DCAF10: variants seen among roughly 807,000 people sequenced by gnomAD.
DCAF10 encodes the protein DDB1- and CUL4-associated factor 10.
In DCAF10, 19 loss-of-function variants were observed where a neutral mutation model predicts 51.9. The ratio of observed to expected loss-of-function variants is 0.37; its 90% CI spans 0.26 to 0.54. The LOEUF (loss-of-function observed/expected upper bound fraction) is 0.54. Ranked by LOEUF, DCAF10 falls within the 20% of genes least tolerant of loss-of-function variation. DCAF10 has a pLI of 0.87. For synonymous variants in DCAF10, 291 were observed against 297.1 expected (o/e 0.98, Z 0.21); for missense variants, 510 against 730.6 (o/e 0.70, Z 3.48).
rs1221956555 is a variant in DCAF10 at position 37,801,016 on chromosome 9, C to A, written c.150C>A (p.Pro50=). The part of the protein sequence containing the change: ...PGADATHPPP[P]ARSPRRPGAP... ...CTGATGCGACCCATCCCCCTCCACCCGCCCGAAGCCCTCGCCGCCCCGGCG... is the reference window on the plus strand; with the variant it reads ...CTGATGCGACCCATCCCCCTCCACCAGCCCGAAGCCCTCGCCGCCCCGGCG... Residue 50 remains proline, a synonymous_variant, in exon 1 of 7, where the codon CCC becomes CCA. Transcript: ENST00000377724. This position sits in a 1 kb window ranked among gnomAD's most constrained non-coding sequence, Gnocchi z 5.5. 1 of 1,539,924 alleles carries A rather than the reference C, an allele frequency of 6.5e-7. No individual in the cohort carries two copies. Among genetic ancestry groups the A allele is most frequent in the Non-Finnish European group, 8.7e-7 (1 of 1,153,546 alleles).
At chr9:37,835,405 C>T (rs779228998) in intron 2 of DCAF10, among the ~76,000 whole-genome samples, 1 of 152,024 alleles carries the variant, frequency 6.6e-6, no homozygotes, top group African/African-American at 2.4e-5. Flanking sequence ...ATGGTGAAAC[C>T]CTGTCTCTAC....
chr9:37,809,023 G>T (rs1829247620), intron 1 of DCAF10, among the ~76,000 whole-genome samples: 1 of 149,842 alleles, frequency 6.7e-6, no homozygotes, highest in Non-Finnish European at 1.5e-5. Context: ...CAGGAGGACT[G>T]CTTGAGCTTC....
At chr9:37,833,209 A>G (rs1323927970) in intron 2 of DCAF10, among the ~76,000 whole-genome samples, 2 of 152,238 alleles carry the variant, frequency 1.3e-5, no homozygotes, top group African/African-American at 4.8e-5. Flanking sequence ...ATATTCTGCT[A>G]TCATTATTTC....
At chr9:37,860,492 T>TAAAC (rs113858882) in intron 6 of DCAF10, 3,649 of 257,156 alleles carry the variant, frequency 0.014, 46 homozygotes, top group Non-Finnish European at 0.02. Flanking sequence ...CATCTCACCC[T>TAAAC]AAACAAACAA....
At chr9:37,817,210 C>T (rs758821363) in intron 1 of DCAF10, among the ~76,000 whole-genome samples, 5 of 152,152 alleles carry the variant, frequency 3.3e-5, no homozygotes, top group Non-Finnish European at 5.9e-5. Flanking sequence ...TTAAAAGATA[C>T]ATATCATACC....
Position 37,801,277 on chromosome 9 carries a change from C to A in DCAF10, c.411C>A (p.Phe137Leu). The change falls in exon 1 of 7, where the codon TTC becomes TTA. Residue 137 changes from phenylalanine to leucine, a missense_variant. Physicochemically the swap from Phe to Leu is conservative, Grantham distance 22 (BLOSUM62 0). This residue lies in a region of DCAF10 where 251 missense variants were observed against 227.9 expected (regional missense o/e 1.10). Coordinates refer to ENST00000377724, the MANE Select transcript of DCAF10 (RefSeq NM_024345.5). The surrounding 1 kb of genome is among the most constrained non-coding windows in gnomAD (Gnocchi z 5.5). The part of the protein sequence containing the change: ...LKERSLGRGL[F>L]VDPARDNFRT... ...AGCGCAGCCTGGGCCGCGGGCTGTTCGTGGACCCGGCGCGGGACAATTTTC... is the reference window on the plus strand; with the variant it reads ...AGCGCAGCCTGGGCCGCGGGCTGTTAGTGGACCCGGCGCGGGACAATTTTC... 2 of 1,595,614 alleles carry A rather than the reference C, an allele frequency of 1.3e-6. No individual in the cohort carries two copies. Among genetic ancestry groups the A allele is most frequent in the Non-Finnish European group, 1.7e-6 (2 of 1,173,730 alleles).
At position 37,867,153 on chromosome 9, in the gene DCAF10, A is replaced by C. The variant is rs1831153408; in HGVS notation, c.*5645A>C. ...AGTTACCATTACGCTGCTCTCTTGT[A>C]AATGAACTAGGGATAAAGATATGGG... On this transcript the variant is annotated 3_prime_UTR_variant, in exon 7 of 7. Coordinates refer to ENST00000377724, the MANE Select transcript of DCAF10 (RefSeq NM_024345.5). 1 of 152,188 alleles carries C rather than the reference A, an allele frequency of 6.6e-6. No individual in the cohort carries two copies. Among genetic ancestry groups the C allele is most frequent in the South Asian group, 2.1e-4 (1 of 4,836 alleles). 9.4% of individuals were successfully genotyped at this position (152,188 alleles called of 1,614,324 possible). A position where few individuals can be genotyped will look rare whatever the true frequency, so the allele number is the denominator to read the frequency against.
intron 2 of DCAF10, among the ~76,000 whole-genome samples, chr9:37,820,222 A>C (rs1048122074): frequency 6.6e-6 from 1 of 152,226 alleles, no homozygotes; most frequent in African/African-American, 2.4e-5. Flanking sequence ...ATAGAACAAT[A>C]AATTAAATAG....
intron 2 of DCAF10, among the ~76,000 whole-genome samples, chr9:37,838,861 C>CT (rs1292115195): frequency 6.7e-6 from 1 of 150,242 alleles, no homozygotes; most frequent in Non-Finnish European, 1.5e-5. Flanking sequence ...AAGCGTGACT[C>CT]TGTCTCCAAA....
intron 1 of DCAF10, among the ~76,000 whole-genome samples, chr9:37,816,856 G>C (rs1055834746): frequency 3.9e-5 from 6 of 152,118 alleles, no homozygotes; most frequent in Non-Finnish European, 8.8e-5. Context: ...AATCTGTAAA[G>C]TCAGTGCATT....
At chr9:37,858,816 G>A (rs1180802245) in intron 5 of DCAF10, among the ~76,000 whole-genome samples, 1 of 152,172 alleles carries the variant, frequency 6.6e-6, no homozygotes, top group African/African-American at 2.4e-5. Flanking sequence ...GAAATCTGCT[G>A]TGGATTCTTA....
chr9:37,802,138 T>C (rs1175882912), intron 1 of DCAF10, among the ~76,000 whole-genome samples: 1 of 152,230 alleles, frequency 6.6e-6, no homozygotes, highest in Non-Finnish European at 1.5e-5. Context: ...CCACCAAGCC[T>C]CTCGGTTGCT....
intron 4 of DCAF10, among the ~76,000 whole-genome samples, chr9:37,855,195 A>T (rs1380659484): frequency 6.6e-6 from 1 of 152,222 alleles, no homozygotes; most frequent in African/African-American, 2.4e-5. Context: ...TCTGAATCAC[A>T]AATGGACTAG....
intron 1 of DCAF10, among the ~76,000 whole-genome samples, chr9:37,807,316 CA>C: frequency 6.6e-6 from 1 of 152,064 alleles, no homozygotes; most frequent in Middle Eastern, 3.4e-3. Flanking sequence ...CTTGTCTCTA[CA>C]AAAAATTTTA....
At chr9:37,852,269 C>A (rs1388913778) in intron 3 of DCAF10, among the ~76,000 whole-genome samples, 1 of 152,094 alleles carries the variant, frequency 6.6e-6, no homozygotes, top group African/African-American at 2.4e-5. Flanking sequence ...AAACAACGAC[C>A]TAAAATTATA....
rs1587139557 is a variant in DCAF10, at chr9:37,864,056, T to G, written c.*2548T>G. The G allele has an allele frequency of 6.6e-6, 1 of 151,880 alleles. No homozygotes were observed. Among genetic ancestry groups the G allele is most frequent in the African/African-American group, 2.4e-5 (1 of 41,314 alleles). 9.4% of individuals were successfully genotyped at this position (151,880 alleles called of 1,614,324 possible). A position where few individuals can be genotyped will look rare whatever the true frequency, so the allele number is the denominator to read the frequency against. ...ATCCCAGCACTTTGGGAGGCCAAGG[T>G]GGGAGGTTCACTTGAGCCCAGGAGT... is the stretch of plus-strand genomic sequence containing the variant. On this transcript the variant is annotated 3_prime_UTR_variant, in exon 7 of 7. Coordinates refer to ENST00000377724, the MANE Select transcript of DCAF10 (RefSeq NM_024345.5).
At chr9:37,846,733 G>C (rs1454592870) in intron 3 of DCAF10, among the ~76,000 whole-genome samples, 1 of 152,098 alleles carries the variant, frequency 6.6e-6, no homozygotes, top group Admixed American at 6.6e-5. Flanking sequence ...TGGGATTACA[G>C]GTGTTAGCCA....
At chr9:37,820,522 G>A (rs533990423) in intron 2 of DCAF10, among the ~76,000 whole-genome samples, 1 of 152,244 alleles carries the variant, frequency 6.6e-6, no homozygotes, top group East Asian at 1.9e-4. Flanking sequence ...TTCACTACCC[G>A]AGACTATAAG....
At chr9:37,811,945 T>C (rs750309469) in intron 1 of DCAF10, among the ~76,000 whole-genome samples, 1 of 152,050 alleles carries the variant, frequency 6.6e-6, no homozygotes, top group Non-Finnish European at 1.5e-5. Flanking sequence ...CCAGCACTTA[T>C]GGAGGCTGAG....
Sources: gnomAD v4.1 joint callset for allele counts (sites outside exome capture counted in the v4.1 genomes callset) on GRCh38, gnomAD v4.1.1 for gene constraint, gnomAD v4.1.1 regional missense constraint, Gnocchi (gnomAD v3.1) non-coding constraint, MANE v1.5 for transcripts, NCBI Gene and HGNC (gene_info 2026-07-23, HGNC 2026-07-21) for gene names.